Variants in RBPJ observed in about 807,000 individuals in gnomAD.
RBPJ encodes recombining binding protein suppressor of hairless.
In RBPJ, 9 loss-of-function variants were observed where a neutral mutation model predicts 67.8. That is an observed-to-expected ratio of 0.13 (90% CI 0.08 to 0.23). The LOEUF (loss-of-function observed/expected upper bound fraction) is 0.23. Ranked by LOEUF, RBPJ falls within the 10% of genes least tolerant of loss-of-function variation. RBPJ has a pLI of 1.00. For missense variants in RBPJ, 305 were observed against 595.6 expected, an observed-to-expected ratio of 0.51 and a Z score of 5.08; for synonymous variants, 198 against 203.3, an observed-to-expected ratio of 0.97 and a Z score of 0.22.
intron 1 of RBPJ, among the ~76,000 whole-genome samples, chr4:26,276,048 G>A (rs1375690184): frequency 2.9e-4 from 44 of 151,386 alleles, no homozygotes; most frequent in Non-Finnish European, 5.8e-4. Context: ...GCCTAGGTGG[G>A]TGGATCACTT....
chr4:26,244,144 TGTAC>T (rs1394458094), intron 1 of RBPJ, among the ~76,000 whole-genome samples: 1 of 148,642 alleles, frequency 6.7e-6, no homozygotes, highest in African/African-American at 2.5e-5. Context: ...TATATATATG[TGTAC>T]ACATATATGT....
intron 3 of RBPJ, among the ~76,000 whole-genome samples, chr4:26,407,686 A>C (rs973251583): frequency 2.6e-5 from 4 of 152,100 alleles, no homozygotes; most frequent in Non-Finnish European, 4.4e-5. Flanking sequence ...AATGAAAACT[A>C]AGGTTTTGGG....
At chr4:26,231,122 T>C (rs1719267555) in intron 1 of RBPJ, among the ~76,000 whole-genome samples, 1 of 152,218 alleles carries the variant, frequency 6.6e-6, no homozygotes, top group Admixed American at 6.5e-5. Context: ...CAAGTCTGTT[T>C]ATTCACCGAA....
chr4:26,398,067 ATATTG>A (rs1732331576), intron 2 of RBPJ, among the ~76,000 whole-genome samples: 2 of 117,110 alleles, frequency 1.7e-5, no homozygotes, highest in Admixed American at 2.0e-4. Context: ...TTCACGAGTG[ATATTG>A]TGTGTGTGTG....
chr4:26,405,591 A>G (rs1182610927), intron 2 of RBPJ, among the ~76,000 whole-genome samples: 1 of 152,138 alleles, frequency 6.6e-6, no homozygotes, highest in Non-Finnish European at 1.5e-5. Flanking sequence ...CAATTACTTT[A>G]TTAAATTTTA....
chr4:26,421,428 T>C (rs748786624), intron 5 of RBPJ, among the ~76,000 whole-genome samples: 2 of 151,908 alleles, frequency 1.3e-5, no homozygotes, highest in Non-Finnish European at 2.9e-5. Context: ...CTCAGCCTCC[T>C]GAGTAGCTGG....
the RBPJ span, among the ~76,000 whole-genome samples, chr4:26,155,641 G>C: frequency 0.37 from 56,086 of 151,864 alleles, 11,387 homozygotes; most frequent in East Asian, 0.61. Context: ...TGCCATGTTG[G>C]CCAGGCTGGT....
intron 2 of RBPJ, among the ~76,000 whole-genome samples, chr4:26,388,745 A>T (rs73121181): frequency 6.6e-6 from 1 of 152,216 alleles, no homozygotes; most frequent in Non-Finnish European, 1.5e-5. Context: ...AATAGATACT[A>T]TCTAAAATGA....
At chr4:26,378,846 G>A (rs112086139) in intron 1 of RBPJ, among the ~76,000 whole-genome samples, 5,315 of 152,194 alleles carry the variant, frequency 0.035, 135 homozygotes, top group East Asian at 0.089. Context: ...GGCAAATATG[G>A]TGAAACCCTA....
chr4:26,144,264 A>ATTTT, the RBPJ span, among the ~76,000 whole-genome samples: 16 of 72,704 alleles, frequency 2.2e-4, no homozygotes, highest in African/African-American at 8.1e-4. Flanking sequence ...GAGTAAGAAA[A>ATTTT]TTCTTTTTTT....
intron 2 of RBPJ, among the ~76,000 whole-genome samples, chr4:26,386,633 T>C (rs1018933073): frequency 1.8e-4 from 28 of 152,222 alleles, no homozygotes; most frequent in African/African-American, 5.8e-4. Context: ...TTGAGTCTTA[T>C]GTAGTGAATA....
intron 1 of RBPJ, among the ~76,000 whole-genome samples, chr4:26,299,672 CTTTTTTTTTTTTTTT>C: frequency 1.2e-5 from 1 of 85,308 alleles, no homozygotes; most frequent in African/African-American, 4.6e-5. Context: ...AGACTGTGTG[CTTTTTTTTTTTTTTT>C]TTTTTTTTTT....
At chr4:26,236,768 C>T (rs1312023707) in intron 1 of RBPJ, among the ~76,000 whole-genome samples, 1 of 152,170 alleles carries the variant, frequency 6.6e-6, no homozygotes, top group Non-Finnish European at 1.5e-5. Context: ...GAGATTTCTG[C>T]AACAGTATCT....
chr4:26,146,917 A>C, the RBPJ span, among the ~76,000 whole-genome samples: 1 of 152,254 alleles, frequency 6.6e-6, no homozygotes, highest in Non-Finnish European at 1.5e-5. Flanking sequence ...CTCCAGGCAG[A>C]AGCAACAGCA....
intron 1 of RBPJ, among the ~76,000 whole-genome samples, chr4:26,307,216 T>C (rs572619838): frequency 5.3e-5 from 8 of 152,288 alleles, no homozygotes; most frequent in African/African-American, 1.9e-4. Flanking sequence ...TTGATGTCTG[T>C]GAGAGGGCTT....
intron 1 of RBPJ, among the ~76,000 whole-genome samples, chr4:26,262,164 T>G (rs1211719078): frequency 6.6e-6 from 1 of 152,038 alleles, no homozygotes; most frequent in Non-Finnish European, 1.5e-5. Flanking sequence ...AGGCTGGTCT[T>G]GAACCCCTGG....
intron 1 of RBPJ, among the ~76,000 whole-genome samples, chr4:26,214,629 G>T (rs1577479953): frequency 1.8e-5 from 1 of 54,758 alleles, no homozygotes; most frequent in Admixed American, 2.2e-4. Context: ...AGAAAAAAGA[G>T]AAAGAAAAAG....
At chr4:26,349,217 G>A (rs1005277253) in intron 1 of RBPJ, among the ~76,000 whole-genome samples, 1 of 152,022 alleles carries the variant, frequency 6.6e-6, no homozygotes, top group African/African-American at 2.4e-5. Flanking sequence ...ACAGGTATGA[G>A]CCACCATGCC....
upstream of RBPJ, chr4:26,320,765 C>T: frequency 6.4e-7 from 1 of 1,554,460 alleles, no homozygotes; most frequent in Non-Finnish European, 8.7e-7. Flanking sequence ...CCATGGACCA[C>T]ACGGAGGGCT....
Sources: gnomAD v4.1 joint callset for allele counts (sites outside exome capture counted in the v4.1 genomes callset) on GRCh38, gnomAD v4.1.1 for gene constraint, MANE v1.5 for transcripts, NCBI Gene and HGNC (gene_info 2026-07-23, HGNC 2026-07-21) for gene names.